The following CDH13 variants were observed in gnomAD, a reference collection of about 807,000 sequenced individuals.
CDH13 encodes cadherin 13.
A neutral mutation model predicts 63.8 loss-of-function variants in CDH13; 24 were observed. That is an observed-to-expected ratio of 0.38 (90% CI 0.27 to 0.53). CDH13 has a LOEUF of 0.53. CDH13 is among the 20% of genes least tolerant of loss of function. CDH13 has a pLI of 0.85. For missense variants in CDH13, 1,049 were observed against 903.1 expected (o/e 1.16, Z -2.07); for synonymous variants, 503 against 355.3 (o/e 1.42, Z -4.67).
At position 82,831,900 on chromosome 16, in the gene CDH13, C is replaced by A. The variant is rs186859673; in HGVS notation, c.46-26462C>A. On this transcript the variant is annotated intron_variant, in intron 1 of 13. Coordinates refer to ENST00000567109, the MANE Select transcript of CDH13 (RefSeq NM_001257.5). ...CTAGGTAAACCCATGCTCACAGGTT[C>A]CCTCTGTTAATGGTGAAATTACATC... Among the ~76,000 whole-genome samples, 113 of 152,242 alleles carry A rather than the reference C, an allele frequency of 7.4e-4. 1 individual carries two copies. In the East Asian group the frequency reaches 0.02, roughly 27 times the overall value.
intron 1 of CDH13, among the ~76,000 whole-genome samples, chr16:82,715,381 C>T (rs1371537685): frequency 1.3e-5 from 2 of 152,064 alleles, no homozygotes; most frequent in Non-Finnish European, 2.9e-5. Context: ...AAAGGCGGCC[C>T]CGCCCCATGC....
chr16:83,097,024 T>C (rs1360678434), intron 3 of CDH13, among the ~76,000 whole-genome samples: 7 of 152,194 alleles, frequency 4.6e-5, no homozygotes, highest in Admixed American at 1.3e-4. Context: ...TGGAGAAATA[T>C]TGATAGAGAC....
At chr16:82,675,000 G>A (rs1388515674) in intron 1 of CDH13, among the ~76,000 whole-genome samples, 1 of 152,122 alleles carries the variant, frequency 6.6e-6, no homozygotes, top group Non-Finnish European at 1.5e-5. Flanking sequence ...TTGAAGCATG[G>A]CATTTAGAAT....
At chr16:82,992,974 A>G (rs1027321689) in intron 2 of CDH13, among the ~76,000 whole-genome samples, 3 of 152,108 alleles carry the variant, frequency 2.0e-5, no homozygotes, top group Non-Finnish European at 4.4e-5. Flanking sequence ...GCCTCAGGAT[A>G]CTCTAAGTCT....
At chr16:83,496,520 T>G (rs2074148028) in intron 7 of CDH13, among the ~76,000 whole-genome samples, 2 of 151,944 alleles carry the variant, frequency 1.3e-5, no homozygotes, top group African/African-American at 4.8e-5. Context: ...CAAGATGGAT[T>G]AAAGACTTAA....
At chr16:83,176,301 G>A (rs1350175377) in intron 4 of CDH13, among the ~76,000 whole-genome samples, 1 of 151,950 alleles carries the variant, frequency 6.6e-6, no homozygotes. Flanking sequence ...CACGAGGTCA[G>A]GAGTTCGAGA....
chr16:82,725,581 T>C (rs375037191), intron 1 of CDH13, among the ~76,000 whole-genome samples: 3 of 152,220 alleles, frequency 2.0e-5, no homozygotes, highest in African/African-American at 7.2e-5. Flanking sequence ...TCCTGGCACA[T>C]GGTGACCTCT....
intron 3 of CDH13, among the ~76,000 whole-genome samples, chr16:83,079,043 C>A (rs1450104013): frequency 1.3e-5 from 2 of 152,168 alleles, no homozygotes; most frequent in Non-Finnish European, 2.9e-5. Context: ...GATCTGCCTA[C>A]CTCAGCCTAC....
chr16:83,305,299 C>T (rs2089848819), intron 5 of CDH13, among the ~76,000 whole-genome samples: 1 of 152,214 alleles, frequency 6.6e-6, no homozygotes, highest in African/African-American at 2.4e-5. Flanking sequence ...GAGGAAATTC[C>T]TTAACATATT....
At chr16:83,059,826 G>T (rs569086386) in intron 3 of CDH13, among the ~76,000 whole-genome samples, 1 of 124,336 alleles carries the variant, frequency 8.0e-6, no homozygotes, top group African/African-American at 3.1e-5. Flanking sequence ...AAGGAGTCTC[G>T]CTCTGTCACC....
At chr16:82,632,708 G>A (rs1208823459) in intron 1 of CDH13, among the ~76,000 whole-genome samples, 2 of 71,478 alleles carry the variant, frequency 2.8e-5, no homozygotes, top group Admixed American at 2.6e-4. Context: ...GACTAGAATT[G>A]GGGGGATGGT....
chr16:83,154,677 C>G (rs948926422), intron 4 of CDH13, among the ~76,000 whole-genome samples: 1 of 152,078 alleles, frequency 6.6e-6, no homozygotes, highest in African/African-American at 2.4e-5. Context: ...ATTGACTAAG[C>G]AACTCTCAGG....
chr16:82,762,556 T>C (rs1209339286), intron 1 of CDH13, among the ~76,000 whole-genome samples: 2 of 152,202 alleles, frequency 1.3e-5, no homozygotes, highest in South Asian at 2.1e-4. Flanking sequence ...AGCCAGACTC[T>C]CAGCTTTGCT....
chr16:83,646,142 T>C (rs1471820272), intron 8 of CDH13, among the ~76,000 whole-genome samples: 2 of 152,040 alleles, frequency 1.3e-5, no homozygotes, highest in Non-Finnish European at 2.9e-5. Flanking sequence ...GGGTTGCACA[T>C]AGACTCTAGA....
At chr16:83,760,295 A>G (rs934919420) in intron 11 of CDH13, among the ~76,000 whole-genome samples, 1 of 152,216 alleles carries the variant, frequency 6.6e-6, no homozygotes, top group Non-Finnish European at 1.5e-5. Flanking sequence ...TTGGAAACAT[A>G]GTATCAACTA....
chr16:83,736,673 C>A (rs1431785306), intron 10 of CDH13, among the ~76,000 whole-genome samples: 5 of 152,152 alleles, frequency 3.3e-5, no homozygotes, highest in Non-Finnish European at 7.3e-5. Flanking sequence ...GCAGTGAGCG[C>A]CTAGCGGAAA....
chr16:83,695,207 A>G (rs1433357098), intron 10 of CDH13, among the ~76,000 whole-genome samples: 1 of 151,788 alleles, frequency 6.6e-6, no homozygotes, highest in Non-Finnish European at 1.5e-5. Context: ...ACTCTGTTTC[A>G]AAAAAAAATT....
chr16:83,362,726 G>C (rs137999174), intron 6 of CDH13, among the ~76,000 whole-genome samples: 3 of 152,148 alleles, frequency 2.0e-5, no homozygotes, highest in Non-Finnish European at 4.4e-5. Flanking sequence ...TCTCATTGTG[G>C]GTTAATTACT....
At chr16:83,207,377 TCAAAGTTCA>T in intron 4 of CDH13, among the ~76,000 whole-genome samples, 1 of 152,254 alleles carries the variant, frequency 6.6e-6, no homozygotes, top group Non-Finnish European at 1.5e-5. Context: ...CATAATGTCC[TCAAAGTTCA>T]TTTGTGTTGC....
Sources: allele counts gnomAD v4.1 joint callset (sites outside exome capture counted in the v4.1 genomes callset), GRCh38; gene constraint gnomAD v4.1.1; transcripts MANE v1.5; gene names NCBI Gene and HGNC (gene_info 2026-07-23, HGNC 2026-07-21).